ATAD3B: variants seen among roughly 807,000 people sequenced by gnomAD.
The protein encoded by ATAD3B is ATPase family AAA domain-containing protein 3B.
In ATAD3B, 59 loss-of-function variants were observed where a neutral mutation model predicts 70.2. The ratio of observed to expected loss-of-function variants is 0.84; its 90% CI spans 0.68 to 1.04. The LOEUF is 1.04. Among genes scored for constraint, ATAD3B ranks in the 50% least tolerant of loss-of-function variants. The pLI is 0.00. For synonymous variants in ATAD3B, 423 were observed against 388.6 expected, an observed-to-expected ratio of 1.09 and a Z score of -1.04; for missense variants, 961 against 913.4, an observed-to-expected ratio of 1.05 and a Z score of -0.67.
At chr1:1,503,779 T>C in the ATAD3B span, 75 of 1,453,956 alleles carry the variant, frequency 5.2e-5, no homozygotes, top group Admixed American at 1.4e-4. Context: ...AGCAGTGGGG[T>C]GCAGGGCCGA....
intron 1 of ATAD3B, among the ~76,000 whole-genome samples, chr1:1,475,567 C>A (rs935178428): frequency 6.6e-6 from 1 of 151,998 alleles, no homozygotes; most frequent in South Asian, 2.1e-4. Context: ...CATGCCGCCT[C>A]GTTCCCAGAG....
chr1:1,478,318 TG>T, intron 2 of ATAD3B: 4 of 1,098,454 alleles, frequency 3.6e-6, no homozygotes, highest in Non-Finnish European at 5.1e-6. Context: ...ATTCCTAGAA[TG>T]GGCACGAGCT....
chr1:1,506,274 C>G, the ATAD3B span, among the ~76,000 whole-genome samples: 1 of 151,800 alleles, frequency 6.6e-6, no homozygotes, highest in East Asian at 2.0e-4. Context: ...TTTGGCAATT[C>G]AAGATCCCTA....
the ATAD3B span, among the ~76,000 whole-genome samples, chr1:1,506,418 T>C: frequency 2.6e-5 from 4 of 152,016 alleles, no homozygotes; most frequent in Admixed American, 2.0e-4. Flanking sequence ...TTTTTTTTTT[T>C]TCTTGAGATG....
chr1:1,476,240 C>T (rs1463231529), intron 1 of ATAD3B, among the ~76,000 whole-genome samples: 1 of 148,018 alleles, frequency 6.8e-6, no homozygotes, highest in Non-Finnish European at 1.5e-5. Context: ...ACCACAGGCC[C>T]AAGCAGACCC....
downstream of ATAD3B, among the ~76,000 whole-genome samples, chr1:1,502,598 G>A (rs1282734298): frequency 2.1e-5 from 3 of 139,674 alleles, no homozygotes; most frequent in Non-Finnish European, 4.5e-5. Context: ...TGCAACCTCC[G>A]CCTCCCGGGT....
In ATAD3B at chr1:1,495,694, C is replaced by G. The variant is rs200599738; in HGVS notation, c.1824C>G (p.Ala608=). ...CGGACCCCTCCTACCCCTGCCTTGCCGGCCCCTGCACATTTAGGATATGCT... is the reference window on the plus strand; with the variant it reads ...CGGACCCCTCCTACCCCTGCCTTGCGGGCCCCTGCACATTTAGGATATGCT... ...LATDPSYPCL[A]GPCTFRICSW... The change falls in exon 16 of 16, where the codon GCC becomes GCG. Residue 608 remains alanine, a synonymous_variant. Transcript: ENST00000673477. 1 of 1,613,158 alleles carries G rather than the reference C, an allele frequency of 6.2e-7. No homozygotes were observed. The highest frequency in any genetic ancestry group is 8.5e-7 in the Non-Finnish European group (1 of 1,179,462).
chr1:1,471,767 T>G lies in ATAD3B; in HGVS notation c.-118T>G, dbSNP rs1337240708. ...GTCGCCGGGAGGAAGGGGTGTGTGT[T>G]TCGCCTGCGCAGTGGTCCTGGCCAC... On this transcript the variant is annotated 5_prime_UTR_variant, in exon 1 of 16. Transcript: ENST00000673477. 3.7e-5 allele frequency: 44 copies of G among 1,199,988 alleles called. No individual in the cohort carries two copies. Among genetic ancestry groups the G allele is most frequent in the African/African-American group, 2.7e-4 (17 of 62,988 alleles). The allele number at this position is 1,199,988 out of a possible 1,614,324, so 74.3% of individuals were successfully genotyped here. A position where few individuals can be genotyped will look rare whatever the true frequency, so the allele number is the denominator to read the frequency against.
intron 1 of ATAD3B, among the ~76,000 whole-genome samples, chr1:1,475,454 G>A (rs909907025): frequency 2.0e-5 from 3 of 150,496 alleles, no homozygotes; most frequent in Admixed American, 6.6e-5. Context: ...TCCTGGCAGC[G>A]GGGTCGCCGA....
chr1:1,508,718 C>T, the ATAD3B span, among the ~76,000 whole-genome samples: 1 of 151,092 alleles, frequency 6.6e-6, no homozygotes, highest in Non-Finnish European at 1.5e-5. Context: ...AAGCCCTGTG[C>T]CCAGGAGGAC....
In ATAD3B at chr1:1,482,316, C is replaced by A. The variant is rs819970; in HGVS notation, c.680+13C>A. The A allele has an allele frequency of 2.5e-6, 4 of 1,580,768 alleles. No homozygotes were observed. The highest frequency in any genetic ancestry group is 1.4e-5 in the African/African-American group (1 of 71,696). ...TGGAGTCCATCAGGTGAGCACTGCC[C>A]AGGCCCGGGCCGGCCACAGATGGAG... On this transcript the variant is annotated intron_variant, in intron 6 of 15. Coordinates refer to ENST00000673477, the MANE Select transcript of ATAD3B (RefSeq NM_031921.6).
chr1:1,491,924 G>A (rs548417853), intron 15 of ATAD3B, among the ~76,000 whole-genome samples: 91 of 151,944 alleles, frequency 6.0e-4, no homozygotes, highest in African/African-American at 2.1e-3. Context: ...GGTGGCTGAC[G>A]CTTGTATTCC....
chr1:1,473,134 CTTTTTTT>C (rs569834397), intron 1 of ATAD3B, among the ~76,000 whole-genome samples: 85 of 84,398 alleles, frequency 1.0e-3, no homozygotes, highest in Non-Finnish European at 1.0e-3. Context: ...GAAGGGATTC[CTTTTTTT>C]TTTTTTTTTT....
chr1:1,482,014 C>G, intron 5 of ATAD3B, 124 bp from the exon 6 acceptor site: 1 of 1,437,356 alleles, frequency 7.0e-7, no homozygotes, highest in Non-Finnish European at 9.4e-7. Flanking sequence ...GTGGCATGGG[C>G]CTGTCTGTGG....
rs542083089 is a variant in ATAD3B at position 1,476,381 on chromosome 1, G to A, written c.206-893G>A. Among the ~76,000 whole-genome samples, 4 of 151,072 alleles carry A rather than the reference G, an allele frequency of 2.6e-5. No individual in the cohort carries two copies. The East Asian group carries it at 5.9e-4, about 22-fold the overall frequency. On this transcript the variant is annotated intron_variant, in intron 1 of 15. Transcript: ENST00000673477. ...CAGACGCTGGGCTCTAGTTAGTGAC[G>A]TGTTTGCTGCAGTTGACTCTGAAGG...
intron 7 of ATAD3B, chr1:1,482,995 T>C (rs952710064): frequency 1.7e-5 from 8 of 462,818 alleles, no homozygotes; most frequent in Non-Finnish European, 3.0e-5. Context: ...AATAAGACCT[T>C]GTCTCAAGAA....
rs531657235 is a variant in ATAD3B at position 1,492,425 on chromosome 1, G to A, written c.1614+1754G>A. Among the ~76,000 whole-genome samples, 5 of 152,048 alleles carry A rather than the reference G, an allele frequency of 3.3e-5. No homozygotes were observed. The South Asian group carries it at 1.0e-3, about 32-fold the overall frequency. On this transcript the variant is annotated intron_variant, in intron 15 of 15. Transcript: ENST00000673477. ...TGCTTGAACCCACGAGGCAGAGGAT[G>A]CGGTGAGCTGAGATCATGCCACTGC...
At chr1:1,475,724 C>T (rs922564197) in intron 1 of ATAD3B, among the ~76,000 whole-genome samples, 3 of 151,800 alleles carry the variant, frequency 2.0e-5, no homozygotes, top group Admixed American at 6.6e-5. Flanking sequence ...TGAATTCACG[C>T]GCTGGGACGC....
chr1:1,482,366 C>T (rs535941877), intron 6 of ATAD3B, 63 bp downstream of exon 6: 1 of 1,566,572 alleles, frequency 6.4e-7, no homozygotes, highest in Non-Finnish European at 8.6e-7. Flanking sequence ...GTCGCTGGTC[C>T]CAGGGCGCTC....
Sources: allele counts gnomAD v4.1 joint callset (sites outside exome capture counted in the v4.1 genomes callset), GRCh38; gene constraint gnomAD v4.1.1; transcripts MANE v1.5; gene names NCBI Gene and HGNC (gene_info 2026-07-23, HGNC 2026-07-21).